The following ZNF385D variants were observed in gnomAD, a reference collection of about 807,000 sequenced individuals.
The protein encoded by ZNF385D is zinc finger protein 385D, also known as zinc finger protein 659.
ZNF385D carries 15 observed loss-of-function variants against 35.8 expected under a neutral mutation model. The observed-to-expected ratio is 0.42, with a 90% CI of 0.28 to 0.64. ZNF385D has a LOEUF of 0.64. Ranked by LOEUF, ZNF385D falls within the 30% of genes least tolerant of loss-of-function variation. The probability of loss-of-function intolerance (pLI) is 0.23; values close to 1 mark genes in which losing one functional copy is unlikely to be tolerated. For synonymous variants in ZNF385D, 212 were observed against 186.8 expected, an observed-to-expected ratio of 1.13 and a Z score of -1.10; for missense variants, 474 against 494.6, an observed-to-expected ratio of 0.96 and a Z score of 0.39.
chr3:21,424,940 T>C (rs767187538), intron 6 of ZNF385D, among the ~76,000 whole-genome samples: 8 of 152,178 alleles, frequency 5.3e-5, no homozygotes, highest in Non-Finnish European at 1.0e-4. Flanking sequence ...TGGCAATGTA[T>C]AAATGATCTC....
At chr3:21,489,075 G>GC (rs1257779756) in intron 4 of ZNF385D, among the ~76,000 whole-genome samples, 2 of 152,068 alleles carry the variant, frequency 1.3e-5, no homozygotes, top group Non-Finnish European at 2.9e-5. Context: ...GCTTTTAATG[G>GC]ACTGAAACCT....
chr3:22,094,676 G>C (rs1701520345), intron 3 of ZNF385D, among the ~76,000 whole-genome samples: 1 of 151,932 alleles, frequency 6.6e-6, no homozygotes, highest in African/African-American at 2.4e-5. Context: ...GCCCTGGGCT[G>C]GGAGAAGATG....
intron 3 of ZNF385D, among the ~76,000 whole-genome samples, chr3:21,860,459 A>T (rs1342708456): frequency 7.2e-6 from 1 of 138,080 alleles, no homozygotes; most frequent in Admixed American, 7.3e-5. Flanking sequence ...AAAAACTCAC[A>T]ATATTGACTA....
chr3:21,575,318 T>TA (rs2063465126), intron 2 of ZNF385D, among the ~76,000 whole-genome samples: 2 of 152,104 alleles, frequency 1.3e-5, no homozygotes, highest in Non-Finnish European at 1.5e-5. Flanking sequence ...CAAAAAGTCT[T>TA]ACGGTTACTT....
chr3:22,296,371 T>G (rs1702577680), intron 2 of ZNF385D, among the ~76,000 whole-genome samples: 1 of 152,050 alleles, frequency 6.6e-6, no homozygotes, highest in Admixed American at 6.6e-5. Flanking sequence ...CATAGGTTCT[T>G]GTTGTTGGCT....
At chr3:21,808,483 C>A (rs1170385168) in intron 3 of ZNF385D, among the ~76,000 whole-genome samples, 2 of 152,180 alleles carry the variant, frequency 1.3e-5, no homozygotes, top group Non-Finnish European at 2.9e-5. Context: ...GACACCCATC[C>A]ACTTACCACT....
At chr3:22,113,027 G>A (rs139515764) in intron 3 of ZNF385D, among the ~76,000 whole-genome samples, 12 of 151,976 alleles carry the variant, frequency 7.9e-5, no homozygotes, top group Admixed American at 3.9e-4. Context: ...ACAATCTCTC[G>A]GTCGCATTTG....
At chr3:22,187,346 C>G (rs2125788700) in intron 2 of ZNF385D, among the ~76,000 whole-genome samples, 1 of 152,128 alleles carries the variant, frequency 6.6e-6, no homozygotes, top group East Asian at 1.9e-4. Context: ...ATCTATTTCT[C>G]AAGCTCATGA....
chr3:21,819,637 ATATTC>A (rs2073305795), intron 3 of ZNF385D, among the ~76,000 whole-genome samples: 1 of 103,512 alleles, frequency 9.7e-6, no homozygotes. Flanking sequence ...ATATAATTAT[ATATTC>A]TATATTATAT....
chr3:22,304,381 T>C (rs1192200737), intron 2 of ZNF385D, among the ~76,000 whole-genome samples: 1 of 152,198 alleles, frequency 6.6e-6, no homozygotes, highest in Non-Finnish European at 1.5e-5. Flanking sequence ...AATCTATGTA[T>C]TTTAGCAGAT....
chr3:21,547,601 G>A (rs1183524754), intron 3 of ZNF385D, among the ~76,000 whole-genome samples: 2 of 151,404 alleles, frequency 1.3e-5, no homozygotes, highest in Non-Finnish European at 2.9e-5. Flanking sequence ...GCAGTTAGAT[G>A]TACTTTTTGT....
chr3:21,748,538 G>A (rs1356178794), intron 1 of ZNF385D, among the ~76,000 whole-genome samples: 1 of 152,132 alleles, frequency 6.6e-6, no homozygotes, highest in Admixed American at 6.5e-5. Flanking sequence ...ATCACGCTCT[G>A]CTGGGGACAC....
chr3:21,840,939 C>T (rs1274870807), intron 3 of ZNF385D, among the ~76,000 whole-genome samples: 4 of 152,010 alleles, frequency 2.6e-5, no homozygotes, highest in Non-Finnish European at 5.9e-5. Context: ...TCAGGATAAA[C>T]TGAAGGCACA....
intron 2 of ZNF385D, among the ~76,000 whole-genome samples, chr3:22,178,769 T>C (rs1695013219): frequency 6.6e-6 from 1 of 152,232 alleles, no homozygotes; most frequent in South Asian, 2.1e-4. Context: ...GTATAACGTG[T>C]AAGGAAGGGA....
At chr3:22,097,687 C>T (rs1260162151) in intron 3 of ZNF385D, among the ~76,000 whole-genome samples, 1 of 151,970 alleles carries the variant, frequency 6.6e-6, no homozygotes, top group African/African-American at 2.4e-5. Flanking sequence ...GGAAATCATG[C>T]AGAATCATTC....
At chr3:22,336,546 G>A (rs1027980007) in intron 2 of ZNF385D, among the ~76,000 whole-genome samples, 1 of 152,002 alleles carries the variant, frequency 6.6e-6, no homozygotes, top group African/African-American at 2.4e-5. Context: ...GTGACCTACA[G>A]AGGAAATTAT....
At chr3:21,828,951 C>T (rs573965037) in intron 3 of ZNF385D, among the ~76,000 whole-genome samples, 3 of 152,272 alleles carry the variant, frequency 2.0e-5, no homozygotes, top group Non-Finnish European at 2.9e-5. Flanking sequence ...CTGACTTTGT[C>T]CCTCTTGTCT....
chr3:21,532,517 T>C (rs1336391281), intron 3 of ZNF385D, among the ~76,000 whole-genome samples: 1 of 152,144 alleles, frequency 6.6e-6, no homozygotes. Context: ...AATGGAACAT[T>C]TTAGTTTCCT....
rs1437271548 is a variant in ZNF385D at position 21,455,432 on chromosome 3, C to G, written c.440-18229G>C. ...AACAGAGCCCTCAGAAATAATACCA[C>G]ACATCTACAACCATCTGATCTTTGA... On this transcript the variant is annotated intron_variant, in intron 4 of 7. Transcript: ENST00000281523. 4.6e-5 allele frequency among the ~76,000 whole-genome samples: 7 copies of G among 152,186 alleles called. No individual in the cohort carries two copies. The East Asian group carries it at 1.3e-3, about 29-fold the overall frequency.
Sources: gnomAD v4.1 joint callset for allele counts (sites outside exome capture counted in the v4.1 genomes callset) on GRCh38, gnomAD v4.1.1 for gene constraint, MANE v1.5 for transcripts, NCBI Gene and HGNC (gene_info 2026-07-23, HGNC 2026-07-21) for gene names.